ITFG1: variants seen among roughly 807,000 people sequenced by gnomAD.
ITFG1 encodes the protein integrin alpha FG-GAP repeat containing 1.
A neutral mutation model predicts 81.8 loss-of-function variants in ITFG1; 34 were observed. The observed-to-expected ratio is 0.42, with a 90% CI of 0.32 to 0.55. ITFG1 has a LOEUF of 0.55. Among genes scored for constraint, ITFG1 ranks in the 20% least tolerant of loss-of-function variants. ITFG1 has a pLI of 0.17. For synonymous variants in ITFG1, 285 were observed against 270.6 expected (o/e 1.05, Z -0.52); for missense variants, 672 against 755.4 (o/e 0.89, Z 1.29).
chr16:47,174,769 C>T (rs1965003973), intron 14 of ITFG1, among the ~76,000 whole-genome samples: 1 of 152,216 alleles, frequency 6.6e-6, no homozygotes, highest in Non-Finnish European at 1.5e-5. Context: ...ATCCACCCGC[C>T]TCTGCCTCCC....
At chr16:47,363,089 G>A (rs1968130175) in intron 8 of ITFG1, among the ~76,000 whole-genome samples, 1 of 151,846 alleles carries the variant, frequency 6.6e-6, no homozygotes, top group Non-Finnish European at 1.5e-5. Flanking sequence ...GGTAGAGATG[G>A]GGTTTCATCA....
intron 12 of ITFG1, among the ~76,000 whole-genome samples, chr16:47,246,188 T>C (rs189151233): frequency 6.6e-6 from 1 of 152,308 alleles, no homozygotes; most frequent in East Asian, 1.9e-4. Flanking sequence ...GGTTCTTGCA[T>C]CTGTTTTTGT....
In ITFG1 at chr16:47,262,176, AAATTCCAAAACAAATAGTTTACCAGAAC is replaced by A. The variant is rs1434038915; in HGVS notation, c.1071-1509_1071-1482del. On this transcript the variant is annotated intron_variant, in intron 10 of 17. Coordinates refer to ENST00000320640, the MANE Select transcript of ITFG1 (RefSeq NM_030790.5). ...GATTCAAACTATTTTTCCAGATGAAAAATTCCAAAACAAATAGTTTACCAGAACAATTCTTTAACAAATGAAAAAAATC... is the reference window on the plus strand; with the variant it reads ...GATTCAAACTATTTTTCCAGATGAAAAATTCTTTAACAAATGAAAAAAATC... Among the ~76,000 whole-genome samples the A allele has an allele frequency of 1.2e-4, 19 of 152,354 alleles. No homozygotes were observed. In the East Asian group the frequency reaches 2.1e-3, roughly 17 times the overall value.
chr16:47,445,182 C>T (rs540876870), intron 5 of ITFG1, among the ~76,000 whole-genome samples: 1 of 148,014 alleles, frequency 6.8e-6, no homozygotes, highest in South Asian at 2.2e-4. Flanking sequence ...TAAGAGATTC[C>T]CCAGGCCGGG....
chr16:47,263,789 T>A (rs1966240838), intron 10 of ITFG1, among the ~76,000 whole-genome samples: 1 of 152,182 alleles, frequency 6.6e-6, no homozygotes, highest in Non-Finnish European at 1.5e-5. Flanking sequence ...AAAATGTCAT[T>A]CTTAATTTTT....
chr16:47,184,865 T>A (rs1449267890), intron 14 of ITFG1, among the ~76,000 whole-genome samples: 1 of 152,096 alleles, frequency 6.6e-6, no homozygotes, highest in African/African-American at 2.4e-5. Flanking sequence ...CCCATCAGTG[T>A]GCTATATTCA....
At chr16:47,277,961 AC>A (rs1368877891) in intron 10 of ITFG1, among the ~76,000 whole-genome samples, 4 of 152,204 alleles carry the variant, frequency 2.6e-5, no homozygotes, top group African/African-American at 9.7e-5. Context: ...TCTTGCGCAA[AC>A]AGATAACCTT....
rs1000162716 is a variant in ITFG1 at position 47,319,675 on chromosome 16, C to T, written c.803-5852G>A. 2.6e-5 allele frequency among the ~76,000 whole-genome samples: 4 copies of T among 152,226 alleles called. No homozygotes were observed. The East Asian group carries it at 7.7e-4, about 29-fold the overall frequency. Reference sequence around the variant, plus strand: ...CACGTTTCTTGTTCCCTTCCTCCCCCTCCTTCATTTTAAAATTGTGAATAT... The same window carrying T: ...CACGTTTCTTGTTCCCTTCCTCCCCTTCCTTCATTTTAAAATTGTGAATAT... On this transcript the variant is annotated intron_variant, in intron 8 of 17. Coordinates refer to ENST00000320640, the MANE Select transcript of ITFG1 (RefSeq NM_030790.5).
chr16:47,451,334 C>A (rs1596993094), intron 5 of ITFG1, 62 bp downstream of exon 5: 1 of 890,480 alleles, frequency 1.1e-6, no homozygotes, highest in Non-Finnish European at 1.8e-6. Flanking sequence ...ATTTTTTCTC[C>A]AATGGTTAAA....
In ITFG1 at chr16:47,260,667, C is replaced by T. The variant is rs1295583212; in HGVS notation, c.1099G>A (p.Val367Ile). 13 of 1,614,156 alleles carry T rather than the reference C, an allele frequency of 8.1e-6. No individual in the cohort carries two copies. Among genetic ancestry groups the T allele is most frequent in the South Asian group, 3.3e-5 (3 of 91,086 alleles). Reference sequence around the variant, plus strand: ...TCACAGCTTGCATTATTACAAGGGACGTTCTCCAGTAAAAAGGCCTGCTGG... The same window carrying T: ...TCACAGCTTGCATTATTACAAGGGATGTTCTCCAGTAAAAAGGCCTGCTGG... ...SNQQAFLLEN[V>I]PCNNASCEEA... The change falls in exon 11 of 18, where the codon GTC (valine) becomes ATC (isoleucine). Residue 367 changes from valine (V) to isoleucine (I), a missense_variant. Coordinates refer to ENST00000320640, the MANE Select transcript of ITFG1 (RefSeq NM_030790.5).
chr16:47,345,376 C>T (rs1367763596), intron 8 of ITFG1, among the ~76,000 whole-genome samples: 2 of 151,850 alleles, frequency 1.3e-5, no homozygotes, highest in Non-Finnish European at 2.9e-5. Flanking sequence ...TCTCGGCTCA[C>T]TGCAACCTCT....
At chr16:47,160,800 G>C (rs944595631) in intron 16 of ITFG1, among the ~76,000 whole-genome samples, 2 of 152,146 alleles carry the variant, frequency 1.3e-5, no homozygotes, top group African/African-American at 4.8e-5. Context: ...TCATGGAGTA[G>C]ATTCTCCTAC....
chr16:47,379,766 A>G (rs2151591878), intron 6 of ITFG1, among the ~76,000 whole-genome samples: 1 of 152,038 alleles, frequency 6.6e-6, no homozygotes, highest in East Asian at 1.9e-4. Context: ...CACTGGGGAT[A>G]AGGCAGAGGC....
chr16:47,417,366 T>C (rs920013889), intron 6 of ITFG1, among the ~76,000 whole-genome samples: 1 of 152,244 alleles, frequency 6.6e-6, no homozygotes, highest in Non-Finnish European at 1.5e-5. Flanking sequence ...ATTTAGGACA[T>C]CTATCATCTT....
At position 47,417,134 on chromosome 16, in the gene ITFG1, A is replaced by G. The variant is rs559819802; in HGVS notation, c.655+11670T>C. ...TTGTATCTCATACAATGAATAGCAG[A>G]GAGGCCTTTGCATGAGGCAGGTACT... On this transcript the variant is annotated intron_variant, in intron 6 of 17. Transcript: ENST00000320640. 3.3e-5 allele frequency among the ~76,000 whole-genome samples: 5 copies of G among 152,356 alleles called. No individual in the cohort carries two copies. The South Asian group carries it at 1.0e-3, about 32-fold the overall frequency.
chr16:47,298,601 T>A (rs1309028823), intron 10 of ITFG1, among the ~76,000 whole-genome samples: 3 of 152,172 alleles, frequency 2.0e-5, no homozygotes, highest in Non-Finnish European at 4.4e-5. Context: ...ATGTGGTGGC[T>A]TTATAAAATG....
At chr16:47,345,665 A>G (rs575282008) in intron 8 of ITFG1, among the ~76,000 whole-genome samples, 1 of 152,350 alleles carries the variant, frequency 6.6e-6, no homozygotes, top group East Asian at 1.9e-4. Context: ...GTCCTGGGCC[A>G]CATGCAGCCC....
intron 6 of ITFG1, among the ~76,000 whole-genome samples, chr16:47,422,823 G>A (rs1450744051): frequency 6.6e-6 from 1 of 151,662 alleles, no homozygotes; most frequent in African/African-American, 2.4e-5. Flanking sequence ...TTGTATTTCT[G>A]TGGGAGTGCT....
At chr16:47,201,810 T>C (rs1965428117) in intron 14 of ITFG1, among the ~76,000 whole-genome samples, 1 of 152,232 alleles carries the variant, frequency 6.6e-6, no homozygotes, top group East Asian at 1.9e-4. Flanking sequence ...ACTAGCCCTT[T>C]AGCAAAAGGG....
Sources: allele counts gnomAD v4.1 joint callset (sites outside exome capture counted in the v4.1 genomes callset), GRCh38; gene constraint gnomAD v4.1.1; transcripts MANE v1.5; gene names NCBI Gene and HGNC (gene_info 2026-07-23, HGNC 2026-07-21).